Variants in KCNH7 observed in about 807,000 individuals in gnomAD.
KCNH7 encodes voltage-gated inwardly rectifying potassium channel KCNH7.
KCNH7 carries 49 observed loss-of-function variants against 120.8 expected under a neutral mutation model. The ratio of observed to expected loss-of-function variants is 0.41; its 90% CI spans 0.32 to 0.51. KCNH7 has a LOEUF of 0.51. Ranked by LOEUF, KCNH7 falls within the 20% of genes least tolerant of loss-of-function variation. The pLI, the probability that KCNH7 is intolerant of heterozygous loss-of-function variation, is 0.38. For missense variants in KCNH7, 1,097 were observed against 1,446.6 expected (o/e 0.76, Z 3.92); for synonymous variants, 547 against 516.1 (o/e 1.06, Z -0.81).
At chr2:162,482,458 C>G (rs1295786600) in intron 6 of KCNH7, among the ~76,000 whole-genome samples, 1 of 151,834 alleles carries the variant, frequency 6.6e-6, no homozygotes, top group African/African-American at 2.4e-5. Flanking sequence ...TGCTTGTTTT[C>G]CAGGAAGATA....
At chr2:162,677,791 AT>A (rs1486958704) in intron 2 of KCNH7, among the ~76,000 whole-genome samples, 1 of 151,468 alleles carries the variant, frequency 6.6e-6, no homozygotes, top group Non-Finnish European at 1.5e-5. Context: ...GTTTGTGGGA[AT>A]CTTAGTTGCT....
At chr2:162,598,622 G>A (rs924925367) in intron 2 of KCNH7, among the ~76,000 whole-genome samples, 3 of 152,124 alleles carry the variant, frequency 2.0e-5, no homozygotes, top group African/African-American at 7.2e-5. Context: ...ACACTGCTGA[G>A]TACTGTGTAA....
intron 2 of KCNH7, among the ~76,000 whole-genome samples, chr2:162,555,112 T>G (rs146923693): frequency 6.6e-6 from 1 of 152,352 alleles, no homozygotes; most frequent in Non-Finnish European, 1.5e-5. Context: ...AGCATAGATA[T>G]GTCCAGCTGG....
intron 2 of KCNH7, chr2:162,797,320 G>A (rs529222837): frequency 6.6e-6 from 1 of 152,130 alleles, no homozygotes; most frequent in East Asian, 1.9e-4. Context: ...CAAGTCACCT[G>A]GGAGAACTGA....
At chr2:162,752,068 T>A (rs1430423673) in intron 2 of KCNH7, among the ~76,000 whole-genome samples, 4 of 152,178 alleles carry the variant, frequency 2.6e-5, no homozygotes, top group African/African-American at 9.6e-5. Flanking sequence ...AATGACTTCC[T>A]TATTTTTGTC....
chr2:162,675,884 A>C (rs1685515638), intron 2 of KCNH7, among the ~76,000 whole-genome samples: 1 of 151,498 alleles, frequency 6.6e-6, no homozygotes, highest in Non-Finnish European at 1.5e-5. Flanking sequence ...AAAAATCATG[A>C]AGGTGGCATG....
intron 2 of KCNH7, among the ~76,000 whole-genome samples, chr2:162,834,409 A>C (rs986377751): frequency 3.3e-5 from 5 of 152,094 alleles, no homozygotes; most frequent in African/African-American, 1.2e-4. Context: ...AAAGCAAAAT[A>C]GGTAGATTTT....
intron 2 of KCNH7, among the ~76,000 whole-genome samples, chr2:162,689,112 C>T (rs1686007713): frequency 6.6e-6 from 1 of 151,350 alleles, no homozygotes; most frequent in Non-Finnish European, 1.5e-5. Flanking sequence ...AGGCTGAAGA[C>T]AGTATTTCAT....
chr2:162,398,119 TAACTTCTAAAGATAATC>T lies in KCNH7; in HGVS notation c.2408-1191_2408-1175del, dbSNP rs1487160901. 3.9e-5 allele frequency among the ~76,000 whole-genome samples: 6 copies of T among 151,994 alleles called. No individual in the cohort carries two copies. The South Asian group carries it at 1.2e-3, about 32-fold the overall frequency. ...CATACTGATATATTACTTGATTATG[TAACTTCTAAAGATAATC>T]AATGGCAATGTAAAATAGTACTCTC... On this transcript the variant is annotated intron_variant, in intron 10 of 15. Coordinates refer to ENST00000332142, the MANE Select transcript of KCNH7 (RefSeq NM_033272.4).
intron 6 of KCNH7, among the ~76,000 whole-genome samples, chr2:162,475,356 C>T (rs1689700297): frequency 6.6e-6 from 1 of 152,132 alleles, no homozygotes; most frequent in South Asian, 2.1e-4. Context: ...TTGGGTATTT[C>T]TAGAATAATT....
At chr2:162,739,555 C>T (rs1233030258) in intron 2 of KCNH7, among the ~76,000 whole-genome samples, 1 of 152,144 alleles carries the variant, frequency 6.6e-6, no homozygotes, top group Non-Finnish European at 1.5e-5. Flanking sequence ...ATACATTGCT[C>T]CAGGTCCTAC....
chr2:162,486,842 T>C (rs1158354483), intron 6 of KCNH7, among the ~76,000 whole-genome samples: 1 of 152,194 alleles, frequency 6.6e-6, no homozygotes. Flanking sequence ...GTTTGAGATA[T>C]ATTGGTAAAT....
intron 2 of KCNH7, among the ~76,000 whole-genome samples, chr2:162,819,469 G>A (rs1025432918): frequency 2.0e-5 from 3 of 152,268 alleles, no homozygotes; most frequent in South Asian, 2.1e-4. Context: ...GAATCTACTC[G>A]AAGGTTATAG....
At chr2:162,681,190 C>T (rs985417355) in intron 2 of KCNH7, among the ~76,000 whole-genome samples, 2 of 151,580 alleles carry the variant, frequency 1.3e-5, no homozygotes, top group African/African-American at 4.8e-5. Context: ...GTAAAATATT[C>T]GTATTCCAGT....
At chr2:162,582,401 GAT>G (rs1318212072) in intron 2 of KCNH7, among the ~76,000 whole-genome samples, 1 of 152,032 alleles carries the variant, frequency 6.6e-6, no homozygotes, top group Non-Finnish European at 1.5e-5. Context: ...GAGTAGCAGC[GAT>G]AAAACACAAA....
intron 2 of KCNH7, among the ~76,000 whole-genome samples, chr2:162,581,680 T>A (rs896897179): frequency 2.0e-5 from 3 of 152,060 alleles, no homozygotes; most frequent in Admixed American, 6.6e-5. Flanking sequence ...TCCTGTTAGG[T>A]CACTAGACTG....
intron 2 of KCNH7, among the ~76,000 whole-genome samples, chr2:162,600,268 G>A (rs1160354868): frequency 2.0e-5 from 3 of 152,056 alleles, no homozygotes; most frequent in African/African-American, 7.2e-5. Context: ...GGGGCTTAGA[G>A]GAAAATAAAT....
At chr2:162,470,395 C>T (rs1234548515) in intron 6 of KCNH7, among the ~76,000 whole-genome samples, 7 of 151,122 alleles carry the variant, frequency 4.6e-5, no homozygotes, top group East Asian at 2.0e-4. Context: ...TCTGCCCGGC[C>T]GCCCCGTCTG....
intron 2 of KCNH7, among the ~76,000 whole-genome samples, chr2:162,807,280 A>AAAAAAAAAAC (rs1559143095): frequency 2.1e-5 from 3 of 144,446 alleles, no homozygotes; most frequent in Admixed American, 6.9e-5. Flanking sequence ...AAAAAAAAAA[A>AAAAAAAAAAC]AAACAAATTA....
Sources: allele counts gnomAD v4.1 joint callset (sites outside exome capture counted in the v4.1 genomes callset), GRCh38; gene constraint gnomAD v4.1.1; transcripts MANE v1.5; gene names NCBI Gene and HGNC (gene_info 2026-07-23, HGNC 2026-07-21).